The following TTC34 variants were observed in gnomAD, a reference collection of about 807,000 sequenced individuals.
TTC34 encodes the protein tetratricopeptide repeat protein 34.
A neutral mutation model predicts 40.7 loss-of-function variants in TTC34; 44 were observed. The ratio of observed to expected loss-of-function variants is 1.08; its 90% CI spans 0.85 to 1.39. TTC34 has a LOEUF of 1.39. Ranked by LOEUF, TTC34 falls within the 40% of genes most tolerant of loss-of-function variation. The pLI is 0.00. For missense variants in TTC34, 884 were observed against 838.0 expected (o/e 1.05, Z -0.68); for synonymous variants, 422 against 398.6 (o/e 1.06, Z -0.70).
intron 6 of TTC34, among the ~76,000 whole-genome samples, chr1:2,652,717 C>A (rs370629285): frequency 1.5e-5 from 2 of 132,538 alleles, no homozygotes; most frequent in African/African-American, 5.7e-5. Context: ...CCTGGAGGAG[C>A]ACCCACACCC....
chr1:2,695,682 G>A (rs1183206546), intron 6 of TTC34, among the ~76,000 whole-genome samples: 9 of 150,980 alleles, frequency 6.0e-5, no homozygotes, highest in Admixed American at 5.9e-4. Context: ...ACACCCCCAG[G>A]TGAGCATCTG....
At chr1:2,793,207 G>A (rs939201190) in intron 2 of TTC34, among the ~76,000 whole-genome samples, 2 of 152,154 alleles carry the variant, frequency 1.3e-5, no homozygotes, top group African/African-American at 2.4e-5. Flanking sequence ...TCTGGTGGGT[G>A]GAAAATGGTC....
chr1:2,767,935 G>A (rs1344942727), intron 6 of TTC34, among the ~76,000 whole-genome samples: 1 of 149,952 alleles, frequency 6.7e-6, no homozygotes, highest in South Asian at 2.2e-4. Flanking sequence ...ACACCCCAAG[G>A]TGGGCATCCG....
Position 2,645,193 on chromosome 1 carries a change from G to T in TTC34, c.2497+100C>A, listed in dbSNP as rs1246435245. 1.9e-5 allele frequency: 25 copies of T among 1,316,648 alleles called. No individual in the cohort carries two copies. Among genetic ancestry groups the T allele is most frequent in the Non-Finnish European group, 2.4e-5 (24 of 1,019,256 alleles). The allele number at this position is 1,316,648 out of a possible 1,614,324, so 81.6% of individuals were successfully genotyped here. A position where few individuals can be genotyped will look rare whatever the true frequency, so the allele number is the denominator to read the frequency against. ...GGGACCTTGGAAGCTGTTGTGGTCC[G>T]GGTCTCTTTCTTCCATTTTTACAGA... On this transcript the variant is annotated intron_variant, in intron 7 of 8. Coordinates refer to ENST00000401095, the Ensembl canonical transcript of TTC34. The surrounding 1 kb of genome is among the most constrained non-coding windows in gnomAD (Gnocchi z 4.7).
intron 6 of TTC34, among the ~76,000 whole-genome samples, chr1:2,764,376 C>T (rs1168323677): frequency 6.9e-6 from 1 of 145,262 alleles, no homozygotes; most frequent in Non-Finnish European, 1.5e-5. Context: ...GGAGCAGTGC[C>T]CACACCCCCG....
chr1:2,787,648 C>G (rs780136254), exon 4 of TTC34: 22 of 1,549,748 alleles, frequency 1.4e-5, no homozygotes, highest in Non-Finnish European at 1.7e-5. Flanking sequence ...CGAGAGGCCT[C>G]GTCCTCTGAA....
At chr1:2,658,526 C>T in intron 6 of TTC34, among the ~76,000 whole-genome samples, 1 of 78,902 alleles carries the variant, frequency 1.3e-5, no homozygotes, top group South Asian at 3.7e-4. Flanking sequence ...ATCTGACAGC[C>T]TGGAACAGCA....
At chr1:2,642,890 C>G (rs1638936252) in intron 8 of TTC34, among the ~76,000 whole-genome samples, 3 of 152,240 alleles carry the variant, frequency 2.0e-5, no homozygotes, top group Non-Finnish European at 4.4e-5. Flanking sequence ...CACAGTGTGG[C>G]CTCTTCTGCC....
intron 6 of TTC34, among the ~76,000 whole-genome samples, chr1:2,760,591 T>A (rs1441037051): frequency 3.0e-3 from 17 of 5,648 alleles, no homozygotes; most frequent in Admixed American, 9.9e-3. Flanking sequence ...GACAGCCTGG[T>A]GAAGCGCCCA....
chr1:2,768,341 A>T (rs1641857695), intron 6 of TTC34, among the ~76,000 whole-genome samples: 1 of 152,010 alleles, frequency 6.6e-6, no homozygotes, highest in Admixed American at 6.6e-5. Flanking sequence ...GGGTTATCAG[A>T]TGCTCACCTG....
At chr1:2,656,341 G>A (rs1400045609) in intron 6 of TTC34, among the ~76,000 whole-genome samples, 2 of 149,192 alleles carry the variant, frequency 1.3e-5, no homozygotes, top group African/African-American at 5.0e-5. Flanking sequence ...CACACCCCCA[G>A]GTGAGCATCT....
chr1:2,752,896 C>T (rs1641371590), intron 6 of TTC34, among the ~76,000 whole-genome samples: 3 of 151,422 alleles, frequency 2.0e-5, no homozygotes, highest in Non-Finnish European at 4.4e-5. Flanking sequence ...CACCCACACC[C>T]CCAGGTGAGC....
chr1:2,644,985 C>T (rs1452938992), intron 7 of TTC34, among the ~76,000 whole-genome samples: 3 of 152,160 alleles, frequency 2.0e-5, no homozygotes, highest in Non-Finnish European at 2.9e-5. Flanking sequence ...CGAGAAACAA[C>T]GACTGGAGGT....
intron 6 of TTC34, among the ~76,000 whole-genome samples, chr1:2,783,001 T>G (rs1271232227): frequency 6.6e-6 from 1 of 152,176 alleles, no homozygotes; most frequent in East Asian, 1.9e-4. Context: ...CACACAGGCC[T>G]CCCCCAGCTG....
At chr1:2,694,391 G>GCA (rs1640766351) in intron 6 of TTC34, among the ~76,000 whole-genome samples, 1 of 23,222 alleles carries the variant, frequency 4.3e-5, no homozygotes, top group African/African-American at 2.1e-4. Flanking sequence ...CACCCACACT[G>GCA]CCAGGCGAGC....
rs1252655918 is a variant in TTC34 at position 2,750,440 on chromosome 1, C to G, written c.2226+33169G>C. Among the ~76,000 whole-genome samples the G allele has an allele frequency of 2.6e-3, 198 of 77,172 alleles. 1 individual carries two copies. Among genetic ancestry groups the G allele is most frequent in the East Asian group, 3.5e-3 (7 of 1,974 alleles). The allele number at this position is 77,172 out of a possible 152,430, so 50.6% of individuals were successfully genotyped here. A position where few individuals can be genotyped will look rare whatever the true frequency, so the allele number is the denominator to read the frequency against. On this transcript the variant is annotated intron_variant, in intron 6 of 8. Transcript: ENST00000401095. The stretch of plus-strand genomic sequence containing the variant: ...GCACGTGACAGCCTGTAACAGCACC[C>G]ACACACCCAGGCGAGTATCTGACGG...
At chr1:2,650,291 C>T (rs940932183) in intron 6 of TTC34, among the ~76,000 whole-genome samples, 2 of 122,116 alleles carry the variant, frequency 1.6e-5, no homozygotes, top group African/African-American at 3.2e-5. Flanking sequence ...GGAATGGCAC[C>T]CCACACCCTC....
chr1:2,686,819 GACAGCC>G, intron 6 of TTC34, among the ~76,000 whole-genome samples: 1 of 69,538 alleles, frequency 1.4e-5, no homozygotes, highest in Middle Eastern at 0.011. Flanking sequence ...GCGAGCATCT[GACAGCC>G]TGGAGCAGCA....
At chr1:2,693,634 C>T (rs548281590) in intron 6 of TTC34, among the ~76,000 whole-genome samples, 11 of 39,036 alleles carry the variant, frequency 2.8e-4, no homozygotes, top group East Asian at 1.7e-3. Flanking sequence ...CACCCCCAGG[C>T]GAGCATCTGA....
Sources: gnomAD v4.1 joint callset for allele counts (sites outside exome capture counted in the v4.1 genomes callset) on GRCh38, gnomAD v4.1.1 for gene constraint, Gnocchi (gnomAD v3.1) non-coding constraint, MANE v1.5 for transcripts, NCBI Gene and HGNC (gene_info 2026-07-23, HGNC 2026-07-21) for gene names.